The following ARHGEF4 variants were observed in gnomAD, a reference collection of about 807,000 sequenced individuals.
The protein encoded by ARHGEF4 is Rho guanine nucleotide exchange factor 4, also known as APC-stimulated guanine nucleotide exchange factor 1.
In ARHGEF4, 119 loss-of-function variants were observed where a neutral mutation model predicts 162.0. The observed-to-expected ratio is 0.73, with a 90% CI of 0.63 to 0.86. The LOEUF is 0.86. Ranked by LOEUF, ARHGEF4 falls within the 40% of genes least tolerant of loss-of-function variation. The pLI, the probability that ARHGEF4 is intolerant of heterozygous loss-of-function variation, is 0.00. For synonymous variants in ARHGEF4, 1,014 were observed against 979.9 expected (o/e 1.03, Z -0.65); for missense variants, 2,488 against 2,456.0 (o/e 1.01, Z -0.28).
intron 4 of ARHGEF4, among the ~76,000 whole-genome samples, chr2:130,960,745 A>G (rs1045491297): frequency 2.0e-5 from 3 of 152,100 alleles, no homozygotes; most frequent in Non-Finnish European, 4.4e-5. Context: ...GTCTCCCTGC[A>G]CCAGTCTTTG....
chr2:131,039,838 T>A, intron 6 of ARHGEF4, 178 bp from the exon 7 acceptor site: 1 of 1,411,678 alleles, frequency 7.1e-7, no homozygotes, highest in Non-Finnish European at 9.2e-7. Flanking sequence ...GAGTCGTCAT[T>A]CCTCGGTCCA....
intron 4 of ARHGEF4, among the ~76,000 whole-genome samples, chr2:131,027,443 T>C (rs538474437): frequency 1.3e-5 from 2 of 152,324 alleles, no homozygotes; most frequent in South Asian, 4.1e-4. Context: ...ATACAAGATA[T>C]GGAAGGTCAA....
At chr2:131,045,805 C>T in intron 13 of ARHGEF4, 1 of 1,428,276 alleles carries the variant, frequency 7.0e-7, no homozygotes, top group Non-Finnish European at 9.1e-7. Flanking sequence ...TGCCTTTGCA[C>T]AGGCCACCCC....
At chr2:130,934,763 C>T (rs1220810677) in intron 3 of ARHGEF4, among the ~76,000 whole-genome samples, 3 of 152,142 alleles carry the variant, frequency 2.0e-5, no homozygotes, top group Non-Finnish European at 1.5e-5. Flanking sequence ...AGGCTGGTCT[C>T]GAACTCTTGA....
At chr2:130,840,457 G>A (rs1373927335) in intron 1 of ARHGEF4, among the ~76,000 whole-genome samples, 1 of 152,180 alleles carries the variant, frequency 6.6e-6, no homozygotes, top group African/African-American at 2.4e-5. Flanking sequence ...GGTGCTGGTG[G>A]TTTCTCAGTC....
chr2:130,927,779 T>C (rs1682382455), intron 2 of ARHGEF4, among the ~76,000 whole-genome samples: 2 of 152,210 alleles, frequency 1.3e-5, no homozygotes, highest in African/African-American at 4.8e-5. Context: ...TACTTTCTTC[T>C]CGCCACCATT....
intron 4 of ARHGEF4, among the ~76,000 whole-genome samples, chr2:131,004,315 G>C (rs995132817): frequency 6.6e-6 from 1 of 152,096 alleles, no homozygotes; most frequent in African/African-American, 2.4e-5. Flanking sequence ...ACAGGCCCCC[G>C]CCACCATGCT....
intron 1 of ARHGEF4, among the ~76,000 whole-genome samples, chr2:130,842,676 C>T (rs1404567295): frequency 6.6e-6 from 1 of 152,192 alleles, no homozygotes; most frequent in African/African-American, 2.4e-5. Flanking sequence ...TGGAGTTCCA[C>T]ATCTTCCACG....
chr2:130,887,550 C>T (rs1013084387), intron 1 of ARHGEF4, among the ~76,000 whole-genome samples: 13 of 151,898 alleles, frequency 8.6e-5, no homozygotes, highest in Admixed American at 2.6e-4. Context: ...ATCATGATAC[C>T]GACTTTTTTT....
Position 130,931,207 on chromosome 2 carries a change from C to A in ARHGEF4, c.3808C>A (p.His1270Asn), listed in dbSNP as rs1027672200. ...GAGAAAGAAGTTGCAGAAGCAGGCCCACGTCGAAAGGAGGCTGCACATAGG... is the reference window on the plus strand; with the variant it reads ...GAGAAAGAAGTTGCAGAAGCAGGCCAACGTCGAAAGGAGGCTGCACATAGG... Reference protein sequence around the residue: ...TQRKKLQKQAHVERRLHIGAV... With the variant: ...TQRKKLQKQANVERRLHIGAV... Residue 1270 changes from histidine to asparagine, a missense_variant, in exon 3 of 14, where the codon CAC becomes AAC. By Grantham distance (68) the His-to-Asn change is moderately conservative. Transcript: ENST00000409359. The A allele has an allele frequency of 1.9e-5, 31 of 1,613,710 alleles. No individual in the cohort carries two copies. The highest frequency in any genetic ancestry group is 2.5e-5 in the Non-Finnish European group (30 of 1,179,890).
At chr2:130,879,134 TGA>T (rs1679040768) in intron 1 of ARHGEF4, among the ~76,000 whole-genome samples, 1 of 151,634 alleles carries the variant, frequency 6.6e-6, no homozygotes. Context: ...AGGGAGGGAG[TGA>T]GAGAAGAAGC....
intron 4 of ARHGEF4, among the ~76,000 whole-genome samples, chr2:130,992,298 C>T (rs1423966999): frequency 6.6e-6 from 1 of 152,166 alleles, no homozygotes; most frequent in Non-Finnish European, 1.5e-5. Context: ...GGGTCCCCTT[C>T]CACACTGTGG....
At chr2:130,979,904 G>A (rs1354609092) in intron 4 of ARHGEF4, among the ~76,000 whole-genome samples, 1 of 151,998 alleles carries the variant, frequency 6.6e-6, no homozygotes, top group East Asian at 1.9e-4. Context: ...TGATAGAGAG[G>A]AAACTTTCTC....
At chr2:130,839,615 C>T (rs1680464625) in intron 1 of ARHGEF4, among the ~76,000 whole-genome samples, 2 of 152,156 alleles carry the variant, frequency 1.3e-5, no homozygotes, top group Admixed American at 6.5e-5. Context: ...CTGCACCTGC[C>T]AGGGGCCCAC....
chr2:130,883,443 A>C (rs1161679612), intron 1 of ARHGEF4, among the ~76,000 whole-genome samples: 11 of 152,128 alleles, frequency 7.2e-5, no homozygotes, highest in Admixed American at 7.2e-4. Flanking sequence ...TTTCAGAATA[A>C]AAAAGCACAA....
intron 1 of ARHGEF4, among the ~76,000 whole-genome samples, chr2:130,908,048 A>G (rs958380899): frequency 6.6e-6 from 1 of 151,916 alleles, no homozygotes; most frequent in East Asian, 1.9e-4. Context: ...TTGCTTGGTC[A>G]TATGTTTAGT....
At position 131,040,449 on chromosome 2, in the gene ARHGEF4, GCGGCCCC is replaced by G; in HGVS notation, c.4662+17_4662+23del. 1 of 1,555,668 alleles carries G rather than the reference GCGGCCCC, an allele frequency of 6.4e-7. No individual in the cohort carries two copies. The highest frequency in any genetic ancestry group is 8.7e-7 in the Non-Finnish European group (1 of 1,150,192). ...CCTGCTTCCTGGAGCATGTGAGCGC[GCGGCCCC>G]CGGCCCCTACCTGGGCGCTGCGTTC... On this transcript the variant is annotated intron_variant, in intron 8 of 13. Coordinates refer to ENST00000409359, the MANE Select transcript of ARHGEF4 (RefSeq NM_001367493.1).
intron 1 of ARHGEF4, among the ~76,000 whole-genome samples, chr2:130,912,075 C>T (rs1681221777): frequency 6.6e-6 from 1 of 152,216 alleles, no homozygotes; most frequent in Non-Finnish European, 1.5e-5. Context: ...GCAGGGCAGG[C>T]GTCACTGAGC....
chr2:130,915,407 G>C lies in ARHGEF4; in HGVS notation c.1461G>C (p.Glu487Asp), dbSNP rs539896449. ...QLAPRAADER[E>D]TQKHLWGISV... Reference sequence around the variant, plus strand: ...CACCAAGAGCTGCTGATGAGAGAGAGACACAGAAGCACCTCTGGGGCATTT... The same window carrying C: ...CACCAAGAGCTGCTGATGAGAGAGACACACAGAAGCACCTCTGGGGCATTT... The change falls in exon 2 of 14, where the codon GAG becomes GAC. Residue 487 changes from glutamate to aspartate, a missense_variant. Glu to Asp is a conservative substitution (Grantham distance 45). Around this residue, in one of 6 missense-constraint regions of ARHGEF4, gnomAD observed 1,642 missense variants for 1,481.5 expected, o/e 1.11. Transcript: ENST00000409359. The C allele has an allele frequency of 1.5e-5, 23 of 1,550,586 alleles. 1 individual carries two copies. In the African/African-American group the frequency reaches 1.5e-4, roughly 10 times the overall value.
Sources: allele counts gnomAD v4.1 joint callset (sites outside exome capture counted in the v4.1 genomes callset), GRCh38; gene constraint gnomAD v4.1.1; regional missense constraint gnomAD v4.1.1; transcripts MANE v1.5; gene names NCBI Gene and HGNC (gene_info 2026-07-23, HGNC 2026-07-21).